The following IL17D variants were observed in gnomAD, a reference collection of about 807,000 sequenced individuals.
IL17D encodes the protein interleukin 17D.
Under a neutral mutation model 5.7 loss-of-function variants are expected in IL17D, and 10 were observed. That is an observed-to-expected ratio of 1.75 (90% CI 1.08 to 2.97). The LOEUF is 2.97. Among genes scored for constraint, IL17D ranks in the 30% most tolerant of loss-of-function variants. The probability of loss-of-function intolerance (pLI) is 0.00; values close to 1 mark genes in which losing one functional copy is unlikely to be tolerated. For synonymous variants in IL17D, 172 were observed against 141.7 expected (o/e 1.21, Z -1.52); for missense variants, 354 against 292.7 (o/e 1.21, Z -1.53).
At chr13:20,718,405 A>G (rs2480433) in intron 1 of IL17D, among the ~76,000 whole-genome samples, 1 of 124,416 alleles carries the variant, frequency 8.0e-6, no homozygotes, top group East Asian at 2.5e-4. Flanking sequence ...CACACACGCC[A>G]ACGCTCACAC....
chr13:20,704,892 C>A (rs904841583), intron 1 of IL17D, among the ~76,000 whole-genome samples: 2 of 152,144 alleles, frequency 1.3e-5, no homozygotes, highest in African/African-American at 4.8e-5. Flanking sequence ...CTCTGAGCCC[C>A]TCTAGTTTAA....
chr13:20,719,705 A>G (rs1649773444), intron 1 of IL17D, among the ~76,000 whole-genome samples: 1 of 152,236 alleles, frequency 6.6e-6, no homozygotes. Flanking sequence ...CAGACACGAC[A>G]CTATTATCTG....
At chr13:20,706,171 C>T (rs2058590849) in intron 1 of IL17D, among the ~76,000 whole-genome samples, 1 of 152,224 alleles carries the variant, frequency 6.6e-6, no homozygotes, top group Non-Finnish European at 1.5e-5. Context: ...CTTCTCACTC[C>T]TGTCCTTCAG....
At chr13:20,707,469 A>G (rs914802682) in intron 1 of IL17D, among the ~76,000 whole-genome samples, 1 of 151,180 alleles carries the variant, frequency 6.6e-6, no homozygotes, top group Admixed American at 6.6e-5. Context: ...AAAAAAAGGA[A>G]AAGAAATAGT....
At chr13:20,704,314 C>CGGGGCCCGGCAGGT (rs2058572819) in intron 1 of IL17D, 23 bp downstream of exon 1, 1 of 383,630 alleles carries the variant, frequency 2.6e-6, no homozygotes, top group Non-Finnish European at 3.4e-6. Flanking sequence ...CGCGTCCTGG[C>CGGGGCCCGGCAGGT]GGGGCCCGGC....
intron 1 of IL17D, among the ~76,000 whole-genome samples, chr13:20,718,308 A>C (rs528008471): frequency 6.6e-6 from 1 of 152,226 alleles, no homozygotes; most frequent in South Asian, 2.1e-4. Context: ...AGCCTGCTGC[A>C]TGCCGCGTGC....
chr13:20,722,254 G>C lies in IL17D; in HGVS notation c.*300G>C. The C allele has an allele frequency of 2.6e-6, 1 of 382,768 alleles. No individual in the cohort carries two copies. The allele number at this position is 382,768 out of a possible 1,614,324, so 23.7% of individuals were successfully genotyped here. On this transcript the variant is annotated 3_prime_UTR_variant, in exon 2 of 2. Transcript: ENST00000682841. ...GGAAAAGTTCACGGAGGCTCCCTGA[G>C]GAGCCTCTCAGATCGGCTGCTGCGG...
chr13:20,704,191 G>A lies in IL17D; in HGVS notation c.190G>A (p.Glu64Lys), dbSNP rs892102767. The change falls in exon 1 of 2, where the codon GAG becomes AAG. Residue 64 changes from glutamate (E) to lysine (K), a missense_variant. Physicochemically the swap from Glu to Lys is moderately conservative, Grantham distance 56. Transcript: ENST00000682841. ...CCACACGCTGCAGCTGGGGCCGCGTGAGCAGGCGCGCAACGCGAGCTGCCC... is the reference window on the plus strand; with the variant it reads ...CCACACGCTGCAGCTGGGGCCGCGTAAGCAGGCGCGCAACGCGAGCTGCCC... ...FHHTLQLGPR[E>K]QARNASCPAG... is the part of the protein sequence containing the mutation. The A allele has an allele frequency of 1.0e-5, 14 of 1,372,110 alleles. No homozygotes were observed. In the Admixed American group the frequency reaches 1.1e-4, roughly 11 times the overall value. The allele number at this position is 1,372,110 out of a possible 1,614,324, so 85.0% of individuals were successfully genotyped here. A position where few individuals can be genotyped will look rare whatever the true frequency, so the allele number is the denominator to read the frequency against.
intron 1 of IL17D, among the ~76,000 whole-genome samples, chr13:20,711,578 C>T (rs2141388183): frequency 6.6e-6 from 1 of 152,244 alleles, no homozygotes; most frequent in South Asian, 2.1e-4. Flanking sequence ...GAACAGGGGA[C>T]AGGAGGTCAA....
rs66883403 is a variant in IL17D, at chr13:20,708,982, AG to A, written c.290+4692del. On this transcript the variant is annotated intron_variant, in intron 1 of 1. Coordinates refer to ENST00000682841, the MANE Select transcript of IL17D (RefSeq NM_001385224.1). Reference sequence around the variant, plus strand: ...TCTCAAAAAAAAAAAAAAAAAAGAAAGAAAGAAAAGAAAAGGACCAGTGACA... The same window carrying A: ...TCTCAAAAAAAAAAAAAAAAAAGAAAAAAGAAAAGAAAAGGACCAGTGACA... Among the ~76,000 whole-genome samples the A allele has an allele frequency of 3.2e-3, 483 of 148,704 alleles. 23 individuals carry two copies. The highest frequency in any genetic ancestry group is 8.4e-3 in the African/African-American group (341 of 40,746).
At position 20,722,531 on chromosome 13, in the gene IL17D, T is replaced by A. The variant is rs886415335; in HGVS notation, c.*577T>A. Reference sequence around the variant, plus strand: ...AGCATAATTGGAATCCTTGGATAAATTTTGTAGCTGGTACACTCTGGCCTG... The same window carrying A: ...AGCATAATTGGAATCCTTGGATAAAATTTGTAGCTGGTACACTCTGGCCTG... On this transcript the variant is annotated 3_prime_UTR_variant, in exon 2 of 2. Coordinates refer to ENST00000682841, the MANE Select transcript of IL17D (RefSeq NM_001385224.1). The A allele has an allele frequency of 6.6e-6, 1 of 152,198 alleles. No individual in the cohort carries two copies. Among genetic ancestry groups the A allele is most frequent in the Non-Finnish European group, 1.5e-5 (1 of 68,060 alleles). The allele number at this position is 152,198 out of a possible 1,614,324, so 9.4% of individuals were successfully genotyped here.
At chr13:20,719,763 A>G (rs1566521805) in intron 1 of IL17D, among the ~76,000 whole-genome samples, 1 of 152,156 alleles carries the variant, frequency 6.6e-6, no homozygotes, top group African/African-American at 2.4e-5. Flanking sequence ...TTTCTGCCCT[A>G]GGATCCAACC....
At chr13:20,715,028 C>T (rs2141392259) in intron 1 of IL17D, among the ~76,000 whole-genome samples, 1 of 152,336 alleles carries the variant, frequency 6.6e-6, no homozygotes, top group South Asian at 2.1e-4. Flanking sequence ...GTGGTCCTGC[C>T]CCTTCCTTCC....
chr13:20,722,284 A>G lies in IL17D; in HGVS notation c.*330A>G. 1 of 327,118 alleles carries G rather than the reference A, an allele frequency of 3.1e-6. No individual in the cohort carries two copies. The highest frequency in any genetic ancestry group is 5.5e-6 in the Non-Finnish European group (1 of 180,816). The allele number at this position is 327,118 out of a possible 1,614,324, so 20.3% of individuals were successfully genotyped here. ...CTCTCAGATCGGCTGCTGCGGGTGC[A>G]GGGCGTGACTCACCGCTGGGTGCTT... On this transcript the variant is annotated 3_prime_UTR_variant, in exon 2 of 2. Coordinates refer to ENST00000682841, the MANE Select transcript of IL17D (RefSeq NM_001385224.1).
chr13:20,704,208 G>C lies in IL17D; in HGVS notation c.207G>C (p.Ala69=). 1 of 1,370,454 alleles carries C rather than the reference G, an allele frequency of 7.3e-7. No individual in the cohort carries two copies. The highest frequency in any genetic ancestry group is 9.5e-7 in the Non-Finnish European group (1 of 1,056,902). The allele number at this position is 1,370,454 out of a possible 1,614,324, so 84.9% of individuals were successfully genotyped here. A position where few individuals can be genotyped will look rare whatever the true frequency, so the allele number is the denominator to read the frequency against. The change falls in exon 1 of 2, where the codon GCG becomes GCC. Residue 69 remains alanine (A), a synonymous_variant. Transcript: ENST00000682841. The stretch of plus-strand genomic sequence containing the variant: ...GGCCGCGTGAGCAGGCGCGCAACGC[G>C]AGCTGCCCGGCAGGGGGCAGGCCCG... ...QLGPREQARN[A]SCPAGGRPAD...
chr13:20,721,265 G>C (rs1461549819), intron 1 of IL17D, among the ~76,000 whole-genome samples: 2 of 152,166 alleles, frequency 1.3e-5, no homozygotes. Context: ...CGCTCCCCTC[G>C]GGGTCTGCAG....
At chr13:20,702,655 T>C (rs182685978), upstream of IL17D, 82 of 152,362 alleles carry the variant, frequency 5.4e-4, no homozygotes, top group African/African-American at 1.9e-3. Context: ...TTCACGTGAC[T>C]GCTTGCACTT....
At chr13:20,719,200 AC>A (rs2058712532) in intron 1 of IL17D, among the ~76,000 whole-genome samples, 1 of 136,012 alleles carries the variant, frequency 7.4e-6, no homozygotes, top group South Asian at 2.4e-4. Flanking sequence ...AGATGCCCAC[AC>A]CCACACCTGC....
In IL17D at chr13:20,721,936, C is replaced by T. The variant is rs1267751763; in HGVS notation, c.591C>T (p.Asp197=). ...QGAKLLLGPN[D]APAGP ...CCAAGCTCCTGCTGGGCCCCAACGACGCGCCCGCTGGCCCCTGAGGCCGGT... is the reference window on the plus strand; with the variant it reads ...CCAAGCTCCTGCTGGGCCCCAACGATGCGCCCGCTGGCCCCTGAGGCCGGT... The change falls in exon 2 of 2, where the codon GAC becomes GAT. Residue 197 remains aspartate, a synonymous_variant. Transcript: ENST00000682841. 6.9e-6 allele frequency: 11 copies of T among 1,597,844 alleles called. 1 individual carries two copies. In the South Asian group the frequency reaches 1.2e-4, roughly 18 times the overall value.
Sources: allele counts gnomAD v4.1 joint callset (sites outside exome capture counted in the v4.1 genomes callset), GRCh38; gene constraint gnomAD v4.1.1; transcripts MANE v1.5; gene names NCBI Gene and HGNC (gene_info 2026-07-23, HGNC 2026-07-21).